FAM184B: variants seen among roughly 807,000 people sequenced by gnomAD.
FAM184B encodes family with sequence similarity 184 member B.
Under a neutral mutation model 135.9 loss-of-function variants are expected in FAM184B, and 111 were observed. That is an observed-to-expected ratio of 0.82 (90% confidence interval 0.70 to 0.96). FAM184B has a LOEUF of 0.96. Among genes scored for constraint, FAM184B ranks in the 40% least tolerant of loss-of-function variants. FAM184B has a pLI of 0.00. For synonymous variants in FAM184B, 552 were observed against 524.8 expected, an observed-to-expected ratio of 1.05 and a Z score of -0.71; for missense variants, 1,375 against 1,323.9, an observed-to-expected ratio of 1.04 and a Z score of -0.60.
chr4:17,639,561 GT>G (rs1715247189), intron 13 of FAM184B, among the ~76,000 whole-genome samples, 165 bp from the exon 14 acceptor site: 1 of 152,176 alleles, frequency 6.6e-6, no homozygotes, highest in Non-Finnish European at 1.5e-5. Flanking sequence ...CTCTTGAGTT[GT>G]GGAGTCCAGG....
chr4:17,674,291 CT>C (rs1716261062), intron 7 of FAM184B, among the ~76,000 whole-genome samples: 2 of 152,070 alleles, frequency 1.3e-5, no homozygotes, highest in Non-Finnish European at 1.5e-5. Context: ...AGACACACAA[CT>C]TTTTTTGTTT....
chr4:17,706,251 GT>G (rs1717116610), intron 3 of FAM184B, among the ~76,000 whole-genome samples: 1 of 152,190 alleles, frequency 6.6e-6, no homozygotes, highest in Admixed American at 6.5e-5. Flanking sequence ...GAATGACTAA[GT>G]TTTCCTCCCA....
At chr4:17,696,757 G>A (rs893521559) in intron 5 of FAM184B, among the ~76,000 whole-genome samples, 1 of 151,962 alleles carries the variant, frequency 6.6e-6, no homozygotes, top group African/African-American at 2.4e-5. Flanking sequence ...AGGCTGCAGT[G>A]AGCCATGATC....
chr4:17,760,746 C>T (rs1355000423), intron 1 of FAM184B, among the ~76,000 whole-genome samples: 1 of 152,170 alleles, frequency 6.6e-6, no homozygotes, highest in Non-Finnish European at 1.5e-5. Context: ...ATCCCTAAAT[C>T]CTCCTTGGAA....
intron 5 of FAM184B, among the ~76,000 whole-genome samples, chr4:17,695,650 A>G (rs1457482578): frequency 6.6e-6 from 1 of 151,376 alleles, no homozygotes; most frequent in Non-Finnish European, 1.5e-5. Context: ...ATGTTGAGTG[A>G]CAGGACTCAC....
intron 7 of FAM184B, among the ~76,000 whole-genome samples, chr4:17,685,677 C>T (rs1560176050): frequency 6.6e-6 from 1 of 151,610 alleles, no homozygotes; most frequent in Non-Finnish European, 1.5e-5. Flanking sequence ...AGAGGTGGTT[C>T]TCAACTGGGG....
intron 1 of FAM184B, among the ~76,000 whole-genome samples, chr4:17,726,945 T>C (rs972902518): frequency 1.3e-5 from 2 of 152,154 alleles, no homozygotes; most frequent in African/African-American, 2.4e-5. Context: ...TTGGCTAATT[T>C]CAGGTTGCAT....
intron 1 of FAM184B, among the ~76,000 whole-genome samples, chr4:17,730,870 A>G (rs1016545181): frequency 6.6e-6 from 1 of 152,218 alleles, no homozygotes; most frequent in Non-Finnish European, 1.5e-5. Context: ...AACTAGAATA[A>G]CCAACGCAGA....
intron 5 of FAM184B, among the ~76,000 whole-genome samples, chr4:17,703,911 C>A (rs1217979771): frequency 6.9e-6 from 1 of 144,118 alleles, no homozygotes; most frequent in African/African-American, 2.6e-5. Flanking sequence ...AGCCTGGTGA[C>A]AGACCAAGAC....
At chr4:17,695,464 C>G (rs1420782591) in intron 5 of FAM184B, among the ~76,000 whole-genome samples, 1 of 152,208 alleles carries the variant, frequency 6.6e-6, no homozygotes. Flanking sequence ...CCATGCCCAG[C>G]TTCACTACGG....
chr4:17,707,003 G>T (rs1717135441), intron 3 of FAM184B, among the ~76,000 whole-genome samples: 1 of 152,122 alleles, frequency 6.6e-6, no homozygotes, highest in African/African-American at 2.4e-5. Context: ...TGCCAGGCTG[G>T]TCTCGAACTC....
chr4:17,732,780 C>T (rs1198747568), intron 1 of FAM184B, among the ~76,000 whole-genome samples: 1 of 152,178 alleles, frequency 6.6e-6, no homozygotes, highest in Non-Finnish European at 1.5e-5. Flanking sequence ...GGTACGATTC[C>T]TTCTGAAACT....
Position 17,781,384 on chromosome 4 carries a change from G to T in FAM184B, c.-85C>A. ...TGCGTGCGCGCGCGGGCGTGCGAGC[G>T]TGTGGGTTTCTCGGGAGAGGTGGCA... On this transcript the variant is annotated 5_prime_UTR_variant, in exon 1 of 18. Coordinates refer to ENST00000265018, the MANE Select transcript of FAM184B (RefSeq NM_015688.2). The surrounding 1 kb of genome is among the most constrained non-coding windows in gnomAD (Gnocchi z 6.5). 7.2e-7 allele frequency: 1 copy of T among 1,393,570 alleles called. No individual in the cohort carries two copies. The highest frequency in any genetic ancestry group is 1.5e-5 in the African/African-American group (1 of 67,188). The allele number at this position is 1,393,570 out of a possible 1,614,324, so 86.3% of individuals were successfully genotyped here.
intron 7 of FAM184B, among the ~76,000 whole-genome samples, chr4:17,676,588 TTG>T (rs1284883087): frequency 2.0e-5 from 3 of 152,198 alleles, no homozygotes; most frequent in African/African-American, 7.2e-5. Context: ...ACCAATAAAT[TTG>T]TGTGACTTGC....
rs541275445 is a variant in FAM184B, at chr4:17,720,009, C to T, written c.142-10365G>A. ...CTACTGACCGCTGACCACTCCTTCTCATCTCTTTGGCTAGTTACATCCTCC... is the reference window on the plus strand; with the variant it reads ...CTACTGACCGCTGACCACTCCTTCTTATCTCTTTGGCTAGTTACATCCTCC... On this transcript the variant is annotated intron_variant, in intron 1 of 17. Coordinates refer to ENST00000265018, the MANE Select transcript of FAM184B (RefSeq NM_015688.2). 3.9e-5 allele frequency among the ~76,000 whole-genome samples: 6 copies of T among 152,344 alleles called. No homozygotes were observed. The South Asian group carries it at 8.3e-4, about 21-fold the overall frequency.
At chr4:17,774,992 CTTTTT>C (rs71167338) in intron 1 of FAM184B, among the ~76,000 whole-genome samples, 3 of 81,750 alleles carry the variant, frequency 3.7e-5, no homozygotes, top group Non-Finnish European at 4.4e-5. Context: ...TTTTCCTTTT[CTTTTT>C]TTTTTTTTTT....
intron 3 of FAM184B, among the ~76,000 whole-genome samples, chr4:17,706,874 C>A (rs1382386002): frequency 1.3e-5 from 2 of 152,234 alleles, no homozygotes; most frequent in East Asian, 3.9e-4. Flanking sequence ...CAACCTCTGC[C>A]TCCAGGGCTC....
rs71167334 is a variant in FAM184B at position 17,751,306 on chromosome 4, CAAAAA to C, written c.141+29848_141+29852del. Among the ~76,000 whole-genome samples, 288 of 91,758 alleles carry C rather than the reference CAAAAA, an allele frequency of 3.1e-3. 1 individual carries two copies. Among genetic ancestry groups the C allele is most frequent in the South Asian group, 0.01 (27 of 2,592 alleles). 60.2% of individuals were successfully genotyped at this position (91,758 alleles called of 152,430 possible). ...TGGGTGACAGAGCAAGACTCTGTCT[CAAAAA>C]AAAAAAAAAAAAAAAAAGCAGCACA... is the stretch of plus-strand genomic sequence containing the variant. On this transcript the variant is annotated intron_variant, in intron 1 of 17. Transcript: ENST00000265018.
intron 16 of FAM184B, among the ~76,000 whole-genome samples, chr4:17,634,530 G>A (rs958341392): frequency 6.6e-5 from 10 of 151,980 alleles, no homozygotes; most frequent in Non-Finnish European, 1.5e-4. Context: ...CACCACGTTG[G>A]CCAGGCTGGT....
Sources: gnomAD v4.1 joint callset for allele counts (sites outside exome capture counted in the v4.1 genomes callset) on GRCh38, gnomAD v4.1.1 for gene constraint, Gnocchi (gnomAD v3.1) non-coding constraint, MANE v1.5 for transcripts, NCBI Gene and HGNC (gene_info 2026-07-23, HGNC 2026-07-21) for gene names.